ADAMTS6: variants seen among roughly 807,000 people sequenced by gnomAD.
ADAMTS6 encodes the protein A disintegrin and metalloproteinase with thrombospondin motifs 6.
ADAMTS6 carries 23 observed loss-of-function variants against 144.3 expected under a neutral mutation model. That is an observed-to-expected ratio of 0.16 (90% CI 0.11 to 0.23). The LOEUF (loss-of-function observed/expected upper bound fraction) is 0.23, where lower values mean the gene tolerates loss of function less well. ADAMTS6 is among the 10% of genes least tolerant of loss of function. ADAMTS6 has a pLI of 1.00. For missense variants in ADAMTS6, 999 were observed against 1,379.6 expected, an observed-to-expected ratio of 0.72 and a Z score of 4.37; for synonymous variants, 444 against 457.5, an observed-to-expected ratio of 0.97 and a Z score of 0.38.
At chr5:65,309,547 C>T (rs544602143) in intron 9 of ADAMTS6, among the ~76,000 whole-genome samples, 5 of 151,624 alleles carry the variant, frequency 3.3e-5, no homozygotes, top group Admixed American at 6.6e-5. Flanking sequence ...TCCCACTGTG[C>T]GGCCCAGTTC....
At chr5:65,249,219 A>G (rs1449161691) in intron 14 of ADAMTS6, among the ~76,000 whole-genome samples, 1 of 152,184 alleles carries the variant, frequency 6.6e-6, no homozygotes, top group Non-Finnish European at 1.5e-5. Flanking sequence ...CTGTTGCACT[A>G]AAGTGTTAAC....
At chr5:65,284,166 A>G (rs1344030453) in intron 11 of ADAMTS6, among the ~76,000 whole-genome samples, 2 of 152,108 alleles carry the variant, frequency 1.3e-5, no homozygotes, top group African/African-American at 4.8e-5. Context: ...ATTGGTGGTG[A>G]TAAAATAATA....
chr5:65,414,350 A>G (rs116180829), intron 7 of ADAMTS6, among the ~76,000 whole-genome samples: 2,280 of 152,050 alleles, frequency 0.015, 55 homozygotes, highest in African/African-American at 0.053. Context: ...TGTGACATAA[A>G]ACTTAAATAA....
chr5:65,232,923 A>C (rs905635296), intron 15 of ADAMTS6, among the ~76,000 whole-genome samples: 1 of 152,182 alleles, frequency 6.6e-6, no homozygotes, highest in Non-Finnish European at 1.5e-5. Context: ...AATATCCCTG[A>C]TGAACATGGA....
intron 7 of ADAMTS6, among the ~76,000 whole-genome samples, chr5:65,406,112 T>C (rs1429789335): frequency 6.6e-6 from 1 of 152,220 alleles, no homozygotes; most frequent in Admixed American, 6.5e-5. Flanking sequence ...TTTGACTTCC[T>C]CTTTTCCTAA....
rs1209651669 is a variant in ADAMTS6, at chr5:65,344,316, ACTTTCT to A, written c.1074-10237_1074-10232del. ...TTTCCTTCTCCTGGATAACAAAATA[ACTTTCT>A]CTTTCATTGTTCTGTCACTAAATTA... is the stretch of plus-strand genomic sequence containing the variant. On this transcript the variant is annotated intron_variant, in intron 7 of 24. Transcript: ENST00000381055. Among the ~76,000 whole-genome samples the A allele has an allele frequency of 3.3e-5, 5 of 151,886 alleles. No individual in the cohort carries two copies. The East Asian group carries it at 7.7e-4, about 23-fold the overall frequency.
At chr5:65,404,231 G>A (rs530099661) in intron 7 of ADAMTS6, among the ~76,000 whole-genome samples, 2 of 151,916 alleles carry the variant, frequency 1.3e-5, no homozygotes, top group South Asian at 4.2e-4. Context: ...ATGCCATGTT[G>A]GTGTGCTGCA....
intron 9 of ADAMTS6, among the ~76,000 whole-genome samples, chr5:65,319,743 A>AAGGGAGGGAG (rs1745395972): frequency 3.1e-5 from 1 of 32,728 alleles, no homozygotes; most frequent in Non-Finnish European, 5.8e-5. Flanking sequence ...GAGGGAGGGA[A>AAGGGAGGGAG]GGAAGGAAGG....
chr5:65,451,271 CTT>C, intron 7 of ADAMTS6: 1 of 485,088 alleles, frequency 2.1e-6, no homozygotes, highest in Non-Finnish European at 3.5e-6. Flanking sequence ...TAAGTCAAAT[CTT>C]AATATTTTCT....
At chr5:65,260,297 G>A (rs1272856764) in intron 14 of ADAMTS6, among the ~76,000 whole-genome samples, 8 of 152,110 alleles carry the variant, frequency 5.3e-5, no homozygotes, top group African/African-American at 1.9e-4. Flanking sequence ...ATTCTGTGGA[G>A]TCAAGAAAGA....
At chr5:65,418,107 T>C (rs918442812) in intron 7 of ADAMTS6, among the ~76,000 whole-genome samples, 5 of 151,896 alleles carry the variant, frequency 3.3e-5, no homozygotes, top group Non-Finnish European at 7.4e-5. Context: ...TCAATGAAAA[T>C]AAGCAATGGG....
chr5:65,361,815 C>G (rs1749848029), intron 7 of ADAMTS6, among the ~76,000 whole-genome samples: 1 of 151,940 alleles, frequency 6.6e-6, no homozygotes, highest in Non-Finnish European at 1.5e-5. Flanking sequence ...CTCACTGCAG[C>G]CTTGACCTCA....
At chr5:65,165,926 C>A (rs1468424798) in intron 24 of ADAMTS6, among the ~76,000 whole-genome samples, 1 of 148,046 alleles carries the variant, frequency 6.8e-6, no homozygotes, top group Admixed American at 6.8e-5. Context: ...GCTGCAAAAT[C>A]ATGCCAAAAT....
intron 1 of ADAMTS6, among the ~76,000 whole-genome samples, chr5:65,480,843 T>C (rs1229928102): frequency 6.6e-6 from 1 of 152,150 alleles, no homozygotes; most frequent in East Asian, 1.9e-4. Flanking sequence ...TCCTAGAGCA[T>C]CGGGGCTACA....
At chr5:65,207,657 T>C (rs1756203752) in intron 20 of ADAMTS6, among the ~76,000 whole-genome samples, 1 of 152,240 alleles carries the variant, frequency 6.6e-6, no homozygotes, top group South Asian at 2.1e-4. Flanking sequence ...TCTGCAAAGA[T>C]TCATTCTCTT....
intron 4 of ADAMTS6, among the ~76,000 whole-genome samples, chr5:65,453,444 C>T (rs549547309): frequency 1.6e-3 from 237 of 152,242 alleles, no homozygotes; most frequent in Non-Finnish European, 2.9e-3. Context: ...TAAAAGGCAA[C>T]GAATTACTTT....
At chr5:65,194,650 A>G (rs1246924562) in intron 21 of ADAMTS6, among the ~76,000 whole-genome samples, 1 of 152,224 alleles carries the variant, frequency 6.6e-6, no homozygotes, top group Non-Finnish European at 1.5e-5. Flanking sequence ...GAAATTAAAA[A>G]GCAACTAAGA....
intron 3 of ADAMTS6, among the ~76,000 whole-genome samples, chr5:65,461,216 A>C (rs533789543): frequency 6.6e-6 from 1 of 152,332 alleles, no homozygotes; most frequent in East Asian, 1.9e-4. Context: ...CTGAGCTCCA[A>C]TAGAGCTAAT....
At chr5:65,276,690 T>G (rs116588578) in intron 11 of ADAMTS6, among the ~76,000 whole-genome samples, 1,743 of 152,324 alleles carry the variant, frequency 0.011, 32 homozygotes, top group African/African-American at 0.039. Flanking sequence ...TGCATATTAG[T>G]TGCTGAATAA....
Sources: gnomAD v4.1 joint callset for allele counts (sites outside exome capture counted in the v4.1 genomes callset) on GRCh38, gnomAD v4.1.1 for gene constraint, MANE v1.5 for transcripts, NCBI Gene and HGNC (gene_info 2026-07-23, HGNC 2026-07-21) for gene names.